Variants in NUP54 observed in about 807,000 individuals in gnomAD.
The protein encoded by NUP54 is nucleoporin 54, also known as nucleoporin p54.
In NUP54, 27 loss-of-function variants were observed where a neutral mutation model predicts 66.4. That is an observed-to-expected ratio of 0.41 (90% CI 0.30 to 0.56). The LOEUF (loss-of-function observed/expected upper bound fraction) is 0.56. Among genes scored for constraint, NUP54 ranks in the 20% least tolerant of loss-of-function variants. The pLI, the probability that NUP54 is intolerant of heterozygous loss-of-function variation, is 0.34. For missense variants in NUP54, 486 were observed against 596.3 expected (o/e 0.82, Z 1.93); for synonymous variants, 206 against 210.7 (o/e 0.98, Z 0.19).
intron 9 of NUP54, among the ~76,000 whole-genome samples, chr4:76,123,885 T>C (rs1187457115): frequency 6.6e-6 from 1 of 152,194 alleles, no homozygotes; most frequent in African/African-American, 2.4e-5. Context: ...ATTTTGTATA[T>C]TTTACTCTGT....
chr4:76,115,403 T>G lies in NUP54; in HGVS notation c.1487A>C (p.Asn496Thr), dbSNP rs142639434. 5.4e-5 allele frequency: 87 copies of G among 1,610,406 alleles called. No individual in the cohort carries two copies. In the African/African-American group the frequency reaches 9.7e-4, roughly 18 times the overall value. Residue 496 changes from asparagine to threonine, a missense_variant, in exon 12 of 12, where the codon AAT (asparagine) becomes ACT (threonine). This residue lies in a region of NUP54 where 83 missense variants were observed against 128.6 expected (regional missense o/e 0.65). Transcript: ENST00000264883. ...EDIKLVEHGL[N>T]ETIHIRGGVF... ...ACCACCTCTGATGTGGATGGTTTCA[T>G]TCAATCCATGTTCGACCAGCTTTAT...
chr4:76,132,008 T>C (rs553385868), intron 6 of NUP54, among the ~76,000 whole-genome samples: 3 of 152,150 alleles, frequency 2.0e-5, no homozygotes, highest in South Asian at 2.1e-4. Context: ...AAGGTGTATA[T>C]GGAGAATCCT....
intron 1 of NUP54, among the ~76,000 whole-genome samples, chr4:76,146,917 T>A (rs1731525201): frequency 6.6e-6 from 1 of 152,202 alleles, no homozygotes; most frequent in Non-Finnish European, 1.5e-5. Context: ...AGCAAAGAAC[T>A]GGGGATTCTT....
chr4:76,147,252 A>T (rs1183297975), intron 1 of NUP54, among the ~76,000 whole-genome samples: 2 of 152,250 alleles, frequency 1.3e-5, no homozygotes, highest in Non-Finnish European at 2.9e-5. Context: ...TATCATTTGG[A>T]AGATAAGTGC....
At chr4:76,145,649 T>C (rs1731468075) in intron 1 of NUP54, 1 of 1,027,988 alleles carries the variant, frequency 9.7e-7, no homozygotes, top group South Asian at 1.5e-5. Flanking sequence ...TTTTGTAACT[T>C]ATTGTCAGTC....
At chr4:76,147,357 T>C in intron 1 of NUP54, 1 of 559,050 alleles carries the variant, frequency 1.8e-6, no homozygotes, top group Non-Finnish European at 2.6e-6. Flanking sequence ...TGATTCGAGA[T>C]AAGGAAATAA....
At chr4:76,126,812 T>C (rs1730556786) in intron 8 of NUP54, among the ~76,000 whole-genome samples, 1 of 152,178 alleles carries the variant, frequency 6.6e-6, no homozygotes, top group South Asian at 2.1e-4. Flanking sequence ...TTCCCACAAA[T>C]TAGTCTTTGC....
At chr4:76,117,828 CA>C in intron 10 of NUP54, 54 bp from the exon 11 acceptor site, 1 of 1,382,774 alleles carries the variant, frequency 7.2e-7, no homozygotes, top group Non-Finnish European at 1.0e-6. Context: ...TTGTAAAAGA[CA>C]ATGTTTTCTT....
Position 76,148,338 on chromosome 4 carries a change from C to T in NUP54, c.37G>A (p.Gly13Ser). ...FNFGAPSGTS[G>S]TAAATAAPAG... ...GGGGCCGCGGTGGCTGCAGCGGTAC[C>T]GGAGGTGCCCGAGGGAGCCCCAAAA... Residue 13 changes from glycine to serine, a missense_variant, in exon 1 of 12, where the codon GGT becomes AGT. By Grantham distance (56) the Gly-to-Ser change is moderately conservative. Around this residue, in one of 4 missense-constraint regions of NUP54, gnomAD observed 145 missense variants for 137.1 expected, o/e 1.06. Transcript: ENST00000264883. 1.9e-6 allele frequency: 3 copies of T among 1,545,660 alleles called. No individual in the cohort carries two copies. The highest frequency in any genetic ancestry group is 2.5e-5 in the East Asian group (1 of 39,610).
At chr4:76,123,933 T>A (rs1578669878) in intron 9 of NUP54, among the ~76,000 whole-genome samples, 1 of 152,214 alleles carries the variant, frequency 6.6e-6, no homozygotes, top group East Asian at 1.9e-4. Context: ...CTTAGTAATT[T>A]TAACGGTCTT....
At chr4:76,138,810 A>C (rs1731143546) in intron 3 of NUP54, among the ~76,000 whole-genome samples, 1 of 152,188 alleles carries the variant, frequency 6.6e-6, no homozygotes, top group South Asian at 2.1e-4. Context: ...AGTGGACAAA[A>C]GCAATAAGGA....
rs746646226 is a variant in NUP54 at position 76,144,141 on chromosome 4, A to C, written c.295+8T>G. On this transcript the variant is annotated splice_region_variant and intron_variant, in intron 3 of 11. Coordinates refer to ENST00000264883, the MANE Select transcript of NUP54 (RefSeq NM_017426.4). ...TTTTGTATTTGAAGCTGAAAACCTC[A>C]TACTTACTAGTTTGCTGCTGCTGCT... 6.2e-7 allele frequency: 1 copy of C among 1,612,802 alleles called. No individual in the cohort carries two copies. The highest frequency in any genetic ancestry group is 1.1e-5 in the South Asian group (1 of 90,952).
intron 3 of NUP54, among the ~76,000 whole-genome samples, chr4:76,138,447 A>ACATT (rs964919242): frequency 3.3e-5 from 5 of 152,314 alleles, no homozygotes; most frequent in Admixed American, 3.3e-4. Flanking sequence ...TTTTATAAAC[A>ACATT]CATTCATTCA....
chr4:76,121,754 A>C (rs567473620), intron 9 of NUP54, among the ~76,000 whole-genome samples: 1 of 152,274 alleles, frequency 6.6e-6, no homozygotes, highest in African/African-American at 2.4e-5. Context: ...ATATATTCCT[A>C]TTTTACAGTT....
intron 3 of NUP54, among the ~76,000 whole-genome samples, chr4:76,142,275 C>T (rs112956924): frequency 9.9e-5 from 15 of 152,254 alleles, no homozygotes; most frequent in African/African-American, 3.6e-4. Flanking sequence ...GTAGAAAAGA[C>T]GAATGACTGG....
At chr4:76,120,996 G>A (rs892967385) in intron 9 of NUP54, among the ~76,000 whole-genome samples, 3 of 152,028 alleles carry the variant, frequency 2.0e-5, no homozygotes, top group Admixed American at 6.5e-5. Context: ...ATGGCTTCTG[G>A]TATCTTTTGC....
intron 9 of NUP54, among the ~76,000 whole-genome samples, chr4:76,119,076 T>C (rs1730108567): frequency 6.6e-6 from 1 of 152,096 alleles, no homozygotes; most frequent in Non-Finnish European, 1.5e-5. Flanking sequence ...ATAATACCAG[T>C]TTCAGACATT....
chr4:76,146,206 T>C (rs1281830180), intron 1 of NUP54: 2 of 342,488 alleles, frequency 5.8e-6, no homozygotes, highest in Non-Finnish European at 1.2e-5. Flanking sequence ...ATAAAAGTAG[T>C]TAAAACATAT....
At chr4:76,145,088 G>C (rs1731429214) in intron 1 of NUP54, among the ~76,000 whole-genome samples, 1 of 152,060 alleles carries the variant, frequency 6.6e-6, no homozygotes, top group Admixed American at 6.6e-5. Context: ...GGAGGCCGAG[G>C]GGGGTGGATC....
Sources: allele counts gnomAD v4.1 joint callset (sites outside exome capture counted in the v4.1 genomes callset), GRCh38; gene constraint gnomAD v4.1.1; regional missense constraint gnomAD v4.1.1; transcripts MANE v1.5; gene names NCBI Gene and HGNC (gene_info 2026-07-23, HGNC 2026-07-21).